The following C8orf34 variants were observed in gnomAD, a reference collection of about 807,000 sequenced individuals.
C8orf34 encodes the protein chromosome 8 open reading frame 34, also known as uncharacterized protein C8orf34.
Under a neutral mutation model 68.3 loss-of-function variants are expected in C8orf34, and 65 were observed. The ratio of observed to expected loss-of-function variants is 0.95; its 90% confidence interval spans 0.78 to 1.17. The LOEUF (loss-of-function observed/expected upper bound fraction) is 1.17, where lower values mean the gene tolerates loss of function less well. Ranked by LOEUF, C8orf34 falls within the 50% of genes most tolerant of loss-of-function variation. The pLI is 0.00. For synonymous variants in C8orf34, 244 were observed against 241.2 expected (o/e 1.01, Z -0.11); for missense variants, 664 against 655.4 (o/e 1.01, Z -0.14).
chr8:68,418,538 A>G (rs1173220927), intron 1 of C8orf34, among the ~76,000 whole-genome samples: 1 of 152,198 alleles, frequency 6.6e-6, no homozygotes, highest in African/African-American at 2.4e-5. Context: ...CCTTTTCTGC[A>G]TCTGTTGAGA....
intron 7 of C8orf34, chr8:68,533,856 T>C (rs1815353661): frequency 1.0e-6 from 1 of 976,194 alleles, no homozygotes; most frequent in Non-Finnish European, 1.2e-6. Context: ...GATCCACATA[T>C]AAAACAATGA....
chr8:68,650,707 C>A (rs908291068), intron 8 of C8orf34, among the ~76,000 whole-genome samples: 1 of 152,018 alleles, frequency 6.6e-6, no homozygotes, highest in East Asian at 1.9e-4. Context: ...TCTCGATCTC[C>A]TGACCTCGTG....
At chr8:68,783,429 A>G (rs954030020) in intron 11 of C8orf34, among the ~76,000 whole-genome samples, 3 of 149,804 alleles carry the variant, frequency 2.0e-5, no homozygotes, top group Non-Finnish European at 4.4e-5. Flanking sequence ...GAGGCAGGAG[A>G]ATTGCTTGAA....
intron 1 of C8orf34, among the ~76,000 whole-genome samples, chr8:68,409,380 T>C (rs1384831868): frequency 2.0e-5 from 3 of 152,184 alleles, no homozygotes; most frequent in African/African-American, 7.2e-5. Flanking sequence ...AAGACAGTGA[T>C]ATTGATGATC....
At chr8:68,754,075 T>G (rs538331397) in intron 10 of C8orf34, among the ~76,000 whole-genome samples, 2 of 150,928 alleles carry the variant, frequency 1.3e-5, no homozygotes, top group East Asian at 3.9e-4. Context: ...TTTCAAGCAA[T>G]TTTGTGAATG....
intron 8 of C8orf34, among the ~76,000 whole-genome samples, chr8:68,652,919 C>T (rs1376923954): frequency 6.6e-6 from 1 of 152,154 alleles, no homozygotes; most frequent in Non-Finnish European, 1.5e-5. Context: ...GGCAAAAATA[C>T]ACTTTATTAG....
chr8:68,394,929 A>G (rs1157024770), intron 1 of C8orf34, among the ~76,000 whole-genome samples: 1 of 152,094 alleles, frequency 6.6e-6, no homozygotes, highest in Non-Finnish European at 1.5e-5. Flanking sequence ...CATACCTTGT[A>G]GAGTGCTAGT....
intron 1 of C8orf34, among the ~76,000 whole-genome samples, chr8:68,434,993 T>C (rs1045447453): frequency 2.0e-5 from 3 of 150,244 alleles, no homozygotes; most frequent in African/African-American, 7.4e-5. Context: ...AGGTTTGCAG[T>C]GAGCTGAGAT....
At chr8:68,408,036 T>G (rs1809275275) in intron 1 of C8orf34, among the ~76,000 whole-genome samples, 1 of 151,966 alleles carries the variant, frequency 6.6e-6, no homozygotes, top group Non-Finnish European at 1.5e-5. Context: ...AGGAGGTGAG[T>G]GGTGGGCAAA....
chr8:68,653,497 A>C (rs1819422999), intron 8 of C8orf34, among the ~76,000 whole-genome samples: 1 of 152,236 alleles, frequency 6.6e-6, no homozygotes, highest in Admixed American at 6.5e-5. Context: ...GCTATAAAAA[A>C]AGTACTATAG....
At chr8:68,415,295 C>T (rs187237019) in intron 1 of C8orf34, among the ~76,000 whole-genome samples, 4 of 152,224 alleles carry the variant, frequency 2.6e-5, no homozygotes, top group Middle Eastern at 3.4e-3. Context: ...GCCTGGCCAA[C>T]ATGTCAAAAC....
chr8:68,568,208 C>T (rs183854598), intron 7 of C8orf34, among the ~76,000 whole-genome samples: 20 of 152,214 alleles, frequency 1.3e-4, no homozygotes, highest in African/African-American at 4.6e-4. Flanking sequence ...AGCAATAAGG[C>T]TGTGGTGCTT....
chr8:68,638,775 T>C (rs539236295), intron 7 of C8orf34, among the ~76,000 whole-genome samples: 4 of 152,124 alleles, frequency 2.6e-5, no homozygotes, highest in Admixed American at 2.6e-4. Context: ...TTACCTCCAA[T>C]AGAGGACTAT....
intron 4 of C8orf34, among the ~76,000 whole-genome samples, chr8:68,483,192 C>T (rs565571251): frequency 6.6e-6 from 1 of 152,258 alleles, no homozygotes; most frequent in East Asian, 1.9e-4. Context: ...ACCTATTGCT[C>T]TTATTTCGCT....
At chr8:68,619,906 T>C (rs1818338640) in intron 7 of C8orf34, among the ~76,000 whole-genome samples, 2 of 152,142 alleles carry the variant, frequency 1.3e-5, no homozygotes, top group African/African-American at 4.8e-5. Context: ...CAAAATTAGG[T>C]CACAGATAAA....
chr8:68,616,103 G>A (rs895418241), intron 7 of C8orf34, among the ~76,000 whole-genome samples: 55 of 151,314 alleles, frequency 3.6e-4, no homozygotes, highest in Admixed American at 1.2e-3. Context: ...ATTCTCTGAT[G>A]GTAGTTTGTA....
chr8:68,771,823 C>T (rs1231182044), intron 10 of C8orf34, among the ~76,000 whole-genome samples: 1 of 151,978 alleles, frequency 6.6e-6, no homozygotes, highest in Non-Finnish European at 1.5e-5. Context: ...TGACTTTTTC[C>T]CATAGCATCT....
At chr8:68,501,148 G>A (rs903653140) in intron 5 of C8orf34, among the ~76,000 whole-genome samples, 1 of 152,114 alleles carries the variant, frequency 6.6e-6, no homozygotes, top group East Asian at 1.9e-4. Context: ...CAAGCTGAGG[G>A]CGCTGGTTTC....
At chr8:68,691,860 G>A (rs1820695377) in intron 8 of C8orf34, among the ~76,000 whole-genome samples, 1 of 151,932 alleles carries the variant, frequency 6.6e-6, no homozygotes, top group South Asian at 2.1e-4. Flanking sequence ...TATTTTCTGA[G>A]CATACTTGGT....
Sources: allele counts gnomAD v4.1 joint callset (sites outside exome capture counted in the v4.1 genomes callset), GRCh38; gene constraint gnomAD v4.1.1; transcripts MANE v1.5; gene names NCBI Gene and HGNC (gene_info 2026-07-23, HGNC 2026-07-21).